The following SAFB variants were observed in gnomAD, a reference collection of about 807,000 sequenced individuals.
The protein encoded by SAFB is scaffold attachment factor B, also known as scaffold attachment factor B1.
SAFB carries 15 observed loss-of-function variants against 101.6 expected under a neutral mutation model. The observed-to-expected ratio is 0.15, with a 90% confidence interval of 0.10 to 0.23. The LOEUF is 0.23. SAFB is among the 10% of genes least tolerant of loss of function. The pLI is 1.00. For missense variants in SAFB, 930 were observed against 1,104.1 expected (o/e 0.84, Z 2.23); for synonymous variants, 449 against 407.5 (o/e 1.10, Z -1.23).
At chr19:5,649,805 G>A (rs1448603189) in intron 7 of SAFB, 121 bp from the exon 8 acceptor site, 17 of 911,070 alleles carry the variant, frequency 1.9e-5, no homozygotes, top group Non-Finnish European at 2.8e-5. Context: ...AGTTTGTCGG[G>A]GTATCATTTT....
chr19:5,645,081 C>A (rs950386204), intron 4 of SAFB, among the ~76,000 whole-genome samples: 26 of 152,172 alleles, frequency 1.7e-4, no homozygotes, highest in Admixed American at 6.5e-4. Context: ...GACTTTTTTT[C>A]TTTCTTTTGC....
At chr19:5,655,744 G>A (rs2054045029) in intron 13 of SAFB, among the ~76,000 whole-genome samples, 1 of 152,178 alleles carries the variant, frequency 6.6e-6, no homozygotes, top group Admixed American at 6.6e-5. Flanking sequence ...ATATGTCATA[G>A]CCTTTTACCC....
At chr19:5,664,321 T>A (rs556703843) in intron 16 of SAFB, 76 bp from the exon 17 acceptor site, 1 of 1,468,216 alleles carries the variant, frequency 6.8e-7, no homozygotes, top group Non-Finnish European at 9.5e-7. Flanking sequence ...ATGCTTTTCA[T>A]TGGGGGCCTG....
At chr19:5,634,374 A>G (rs755730015) in intron 2 of SAFB, among the ~76,000 whole-genome samples, 13 of 152,078 alleles carry the variant, frequency 8.5e-5, no homozygotes, top group Non-Finnish European at 1.8e-4. Context: ...TGATGATAGG[A>G]TATTGCAAAC....
At chr19:5,664,558 G>C (rs1225210374) in intron 17 of SAFB, 119 bp downstream of exon 17, 2 of 789,218 alleles carry the variant, frequency 2.5e-6, no homozygotes, top group African/African-American at 3.5e-5. Context: ...AAAGAGAAAA[G>C]TAAAGCACTA....
intron 15 of SAFB, among the ~76,000 whole-genome samples, chr19:5,663,498 T>C (rs1319588822): frequency 1.3e-5 from 2 of 152,242 alleles, no homozygotes; most frequent in Non-Finnish European, 2.9e-5. Context: ...CCAGGTCATA[T>C]ATACAATGCA....
At chr19:5,644,066 GT>G (rs946331179) in intron 4 of SAFB, among the ~76,000 whole-genome samples, 2 of 151,848 alleles carry the variant, frequency 1.3e-5, no homozygotes, top group African/African-American at 4.8e-5. Context: ...TTGTTTTGGG[GT>G]TTTTTTGTTT....
At position 5,623,201 on chromosome 19, in the gene SAFB, C is replaced by T. The variant is rs1046262260; in HGVS notation, c.-5C>T. Reference sequence around the variant, plus strand: ...AAAGTGGGCGGCGGAGCCAGGGTCCCTGGAATGGCGGAGACTCTGTCAGGC... The same window carrying T: ...AAAGTGGGCGGCGGAGCCAGGGTCCTTGGAATGGCGGAGACTCTGTCAGGC... On this transcript the variant is annotated 5_prime_UTR_variant, in exon 1 of 21. Transcript: ENST00000588852. 2 of 1,579,700 alleles carry T rather than the reference C, an allele frequency of 1.3e-6. No homozygotes were observed. Among genetic ancestry groups the T allele is most frequent in the African/African-American group, 1.4e-5 (1 of 73,904 alleles).
chr19:5,659,246 A>G (rs2054138658), intron 14 of SAFB, among the ~76,000 whole-genome samples: 2 of 151,316 alleles, frequency 1.3e-5, no homozygotes, highest in Admixed American at 1.3e-4. Flanking sequence ...TGGAGGTTGC[A>G]GTGAGCCAAG....
chr19:5,645,822 T>C (rs1055814767), intron 5 of SAFB, among the ~76,000 whole-genome samples: 6 of 152,030 alleles, frequency 3.9e-5, no homozygotes, highest in Non-Finnish European at 8.8e-5. Context: ...AGAGCCCTGT[T>C]GGGGAAGGTG....
At chr19:5,664,224 G>GGAC (rs1204918090) in intron 16 of SAFB, 65 bp downstream of exon 16, 1 of 1,563,448 alleles carries the variant, frequency 6.4e-7, no homozygotes, top group African/African-American at 1.4e-5. Flanking sequence ...CTGAGAACAA[G>GGAC]GACTCCTGGG....
At chr19:5,629,006 G>A (rs1401156866) in intron 2 of SAFB, among the ~76,000 whole-genome samples, 3 of 152,038 alleles carry the variant, frequency 2.0e-5, no homozygotes, top group South Asian at 4.1e-4. Flanking sequence ...GTCATAGTTC[G>A]CTGCAGCCTT....
At chr19:5,650,928 C>T (rs192690120) in intron 8 of SAFB, 50 bp from the exon 9 acceptor site, 1 of 1,173,866 alleles carries the variant, frequency 8.5e-7, no homozygotes, top group African/African-American at 1.5e-5. Context: ...CTCTAAGACT[C>T]AAGATCTTGT....
rs2054010008 is a variant in SAFB at position 5,654,474 on chromosome 19, A to G, written c.1755+18A>G. 3 of 1,405,448 alleles carry G rather than the reference A, an allele frequency of 2.1e-6. No individual in the cohort carries two copies. The South Asian group carries it at 3.5e-5, about 16-fold the overall frequency. 87.1% of individuals were successfully genotyped at this position (1,405,448 alleles called of 1,614,324 possible). ...AAGAGAGAGTGAGTATTAATTTTCTAACTAGGGTATTTTGCTCTTCTTTTC... is the reference window on the plus strand; with the variant it reads ...AAGAGAGAGTGAGTATTAATTTTCTGACTAGGGTATTTTGCTCTTCTTTTC... On this transcript the variant is annotated intron_variant, in intron 13 of 20. Coordinates refer to ENST00000588852, the MANE Select transcript of SAFB (RefSeq NM_001201338.2).
chr19:5,668,430 G>A lies in SAFB; in HGVS notation c.*139G>A. 3.1e-6 allele frequency: 3 copies of A among 970,484 alleles called. No homozygotes were observed. The highest frequency in any genetic ancestry group is 4.3e-6 in the Non-Finnish European group (3 of 692,860). 60.1% of individuals were successfully genotyped at this position (970,484 alleles called of 1,614,324 possible). A position where few individuals can be genotyped will look rare whatever the true frequency, so the allele number is the denominator to read the frequency against. ...ACAATGTGAATTTGTTTTTCGTTTT[G>A]GGGTTTTTTTTTTTTGTAATAAATG... On this transcript the variant is annotated 3_prime_UTR_variant, in exon 21 of 21. Coordinates refer to ENST00000588852, the MANE Select transcript of SAFB (RefSeq NM_001201338.2).
rs1250023020 is a variant in SAFB at position 5,623,151 on chromosome 19, T to C, written c.-55T>C. On this transcript the variant is annotated 5_prime_UTR_variant, in exon 1 of 21. Coordinates refer to ENST00000588852, the MANE Select transcript of SAFB (RefSeq NM_001201338.2). ...GCGGCGCCATTTTGTGCTAGGAGCCTGATAAAACCGGCCCGGTTCTGTGGA... is the reference window on the plus strand; with the variant it reads ...GCGGCGCCATTTTGTGCTAGGAGCCCGATAAAACCGGCCCGGTTCTGTGGA... The C allele has an allele frequency of 6.6e-7, 1 of 1,523,340 alleles. No individual in the cohort carries two copies. The highest frequency in any genetic ancestry group is 1.4e-5 in the African/African-American group (1 of 72,006). 94.4% of individuals were successfully genotyped at this position (1,523,340 alleles called of 1,614,324 possible).
Position 5,667,129 on chromosome 19 carries a change from G to A in SAFB, c.2418G>A (p.Arg806=), listed in dbSNP as rs1207390346. The part of the protein sequence containing the change: ...DGWGGYGSDK[R]MSEGRGLPPP... ...GGGGGGGCTATGGCTCTGACAAGAG[G>A]ATGAGCGAGGGCCGGGGGCTGCCTC... Residue 806 remains arginine, a synonymous_variant, in exon 18 of 21, where the codon AGG becomes AGA. Coordinates refer to ENST00000588852, the MANE Select transcript of SAFB (RefSeq NM_001201338.2). This position sits in a 1 kb window ranked among gnomAD's most constrained non-coding sequence, Gnocchi z 4.0. 24 of 1,610,682 alleles carry A rather than the reference G, an allele frequency of 1.5e-5. No individual in the cohort carries two copies. Among genetic ancestry groups the A allele is most frequent in the East Asian group, 6.7e-5 (3 of 44,864 alleles).
intron 2 of SAFB, among the ~76,000 whole-genome samples, chr19:5,637,787 A>G (rs1010593761): frequency 8.5e-5 from 13 of 152,210 alleles, no homozygotes; most frequent in African/African-American, 2.7e-4. Context: ...ACCGCCTTCT[A>G]TAAGGAATGC....
At position 5,667,516 on chromosome 19, in the gene SAFB, C is replaced by T. The variant is rs2054360437; in HGVS notation, c.2557+66C>T. 8.6e-7 allele frequency: 1 copy of T among 1,160,894 alleles called. No homozygotes were observed. The highest frequency in any genetic ancestry group is 1.2e-6 in the Non-Finnish European group (1 of 817,578). The allele number at this position is 1,160,894 out of a possible 1,614,324, so 71.9% of individuals were successfully genotyped here. On this transcript the variant is annotated intron_variant, in intron 19 of 20. Transcript: ENST00000588852. The surrounding 1 kb of genome is among the most constrained non-coding windows in gnomAD (Gnocchi z 4.0). ...AGTGATGGAAAGATGGAGGCCGCGC[C>T]TTCTCTCCTTGGGGGAGCACAGGAG...
Sources: gnomAD v4.1 joint callset for allele counts (sites outside exome capture counted in the v4.1 genomes callset) on GRCh38, gnomAD v4.1.1 for gene constraint, Gnocchi (gnomAD v3.1) non-coding constraint, MANE v1.5 for transcripts, NCBI Gene and HGNC (gene_info 2026-07-23, HGNC 2026-07-21) for gene names.